Variants in FBXL17 observed in about 807,000 individuals in gnomAD.
FBXL17 encodes F-box and leucine rich repeat protein 17, also known as F-box/LRR-repeat protein 17.
A neutral mutation model predicts 66.2 loss-of-function variants in FBXL17; 22 were observed. The ratio of observed to expected loss-of-function variants is 0.33; its 90% CI spans 0.24 to 0.47. FBXL17 has a LOEUF of 0.47. Ranked by LOEUF, FBXL17 falls within the 20% of genes least tolerant of loss-of-function variation. FBXL17 has a pLI of 1.00. For synonymous variants in FBXL17, 474 were observed against 400.5 expected (o/e 1.18, Z -2.19); for missense variants, 878 against 948.2 (o/e 0.93, Z 0.97).
chr5:107,861,446 A>AC lies in FBXL17; in HGVS notation c.*273_*274insG, dbSNP rs1561508608. On this transcript the variant is annotated 3_prime_UTR_variant, in exon 9 of 9. Transcript: ENST00000542267. ...ATTTTTTGACTCTATATTAAAAATA[A>AC]TTTTTTTTTAAAGAGAAAGAAGCCT... The AC allele has an allele frequency of 4.4e-6, 1 of 228,134 alleles. No individual in the cohort carries two copies. The highest frequency in any genetic ancestry group is 2.3e-5 in the African/African-American group (1 of 44,076). 14.1% of individuals were successfully genotyped at this position (228,134 alleles called of 1,614,324 possible).
chr5:108,292,900 C>G (rs1758173772), intron 4 of FBXL17, among the ~76,000 whole-genome samples: 1 of 151,964 alleles, frequency 6.6e-6, no homozygotes, highest in South Asian at 2.1e-4. Flanking sequence ...GAGATCCTAG[C>G]TAACATGGTG....
At chr5:108,126,972 T>C (rs898854793) in intron 6 of FBXL17, among the ~76,000 whole-genome samples, 1 of 152,048 alleles carries the variant, frequency 6.6e-6, no homozygotes, top group Non-Finnish European at 1.5e-5. Context: ...AATTTCCATT[T>C]AAAGTCACCA....
At chr5:108,073,612 T>G (rs995342626) in intron 6 of FBXL17, among the ~76,000 whole-genome samples, 1 of 152,136 alleles carries the variant, frequency 6.6e-6, no homozygotes, top group African/African-American at 2.4e-5. Context: ...ATGAAGATAA[T>G]AAGACAAACA....
At chr5:108,173,409 TAAAAA>T (rs879460879) in intron 6 of FBXL17, among the ~76,000 whole-genome samples, 2 of 151,524 alleles carry the variant, frequency 1.3e-5, no homozygotes, top group Non-Finnish European at 2.9e-5. Flanking sequence ...AATAATAAAA[TAAAAA>T]AAAGAAAATA....
intron 7 of FBXL17, among the ~76,000 whole-genome samples, chr5:107,985,969 T>A (rs142466447): frequency 4.7e-4 from 72 of 152,266 alleles, no homozygotes; most frequent in Non-Finnish European, 9.0e-4. Context: ...TAGACTATTG[T>A]CAATGTTTGA....
chr5:108,096,232 T>C (rs1198384336), intron 6 of FBXL17, among the ~76,000 whole-genome samples: 1 of 152,174 alleles, frequency 6.6e-6, no homozygotes, highest in East Asian at 1.9e-4. Context: ...CACGGAGCAT[T>C]AGCAAAATGA....
chr5:108,231,972 G>T (rs150451709), intron 4 of FBXL17, among the ~76,000 whole-genome samples: 226 of 148,236 alleles, frequency 1.5e-3, no homozygotes, highest in African/African-American at 5.3e-3. Context: ...CACTGTACCA[G>T]GAAAAAAACT....
intron 6 of FBXL17, among the ~76,000 whole-genome samples, chr5:108,142,129 CA>C (rs1041677892): frequency 8.5e-5 from 13 of 152,088 alleles, no homozygotes; most frequent in African/African-American, 3.1e-4. Flanking sequence ...CATATATAAA[CA>C]AAAAACACAA....
At chr5:108,137,683 T>C (rs1359537233) in intron 6 of FBXL17, among the ~76,000 whole-genome samples, 2 of 152,158 alleles carry the variant, frequency 1.3e-5, no homozygotes, top group Non-Finnish European at 2.9e-5. Context: ...TGAAATCAAT[T>C]TGATAAGATA....
At chr5:108,356,088 T>C (rs759754596) in intron 3 of FBXL17, among the ~76,000 whole-genome samples, 37 of 151,852 alleles carry the variant, frequency 2.4e-4, no homozygotes, top group Non-Finnish European at 4.3e-4. Context: ...AGTAGCTACA[T>C]TAATTTCAGA....
intron 7 of FBXL17, among the ~76,000 whole-genome samples, chr5:107,970,691 C>A (rs866282594): frequency 1.3e-5 from 2 of 152,098 alleles, no homozygotes; most frequent in Admixed American, 6.6e-5. Flanking sequence ...TCCTTTGAAA[C>A]GTTGGCCATT....
intron 1 of FBXL17, among the ~76,000 whole-genome samples, chr5:108,368,437 C>CTT (rs1748814519): frequency 6.6e-6 from 1 of 151,964 alleles, no homozygotes; most frequent in Non-Finnish European, 1.5e-5. Context: ...AAGAAAGGTA[C>CTT]TTTACCTTTA....
chr5:107,937,861 A>G lies in FBXL17; in HGVS notation c.1823-56682T>C, dbSNP rs193294638. ...ATACTGACTGACAGAGTAGAAAATC[A>G]TATCAAGAAGGCCAGTATGACCTTT... On this transcript the variant is annotated intron_variant, in intron 7 of 8. Coordinates refer to ENST00000542267, the MANE Select transcript of FBXL17 (RefSeq NM_001163315.3). Among the ~76,000 whole-genome samples, 110 of 152,286 alleles carry G rather than the reference A, an allele frequency of 7.2e-4. 1 individual carries two copies. The highest frequency in any genetic ancestry group is 6.9e-3 in the Admixed American group (106 of 15,278).
chr5:108,216,776 C>T (rs972673563), intron 5 of FBXL17, among the ~76,000 whole-genome samples: 1 of 152,120 alleles, frequency 6.6e-6, no homozygotes, highest in East Asian at 1.9e-4. Context: ...ATTCAAGCGG[C>T]AGGTACCAAT....
intron 6 of FBXL17, among the ~76,000 whole-genome samples, chr5:108,058,465 CTCTCTCCT>C (rs1483082708): frequency 2.7e-5 from 4 of 150,564 alleles, no homozygotes; most frequent in African/African-American, 9.8e-5. Context: ...TCTTTCTTCT[CTCTCTCCT>C]TTTCTTTCTT....
intron 6 of FBXL17, among the ~76,000 whole-genome samples, chr5:108,024,362 C>A (rs1042396072): frequency 5.9e-5 from 9 of 152,052 alleles, no homozygotes; most frequent in African/African-American, 2.2e-4. Flanking sequence ...TCTGTCTTAA[C>A]AAGAGAGAAT....
intron 7 of FBXL17, among the ~76,000 whole-genome samples, chr5:107,970,444 C>T (rs1031993385): frequency 1.3e-5 from 2 of 152,168 alleles, no homozygotes; most frequent in Non-Finnish European, 2.9e-5. Flanking sequence ...CACTACCCAA[C>T]CCCACAGCTG....
rs769903670 is a variant in FBXL17, at chr5:108,262,082, A to ATTT, written c.1507-37857_1507-37855dup. Among the ~76,000 whole-genome samples the ATTT allele has an allele frequency of 8.4e-4, 96 of 114,210 alleles. 2 individuals are homozygous for ATTT. The highest frequency in any genetic ancestry group is 1.2e-3 in the East Asian group (5 of 4,136). 74.9% of individuals were successfully genotyped at this position (114,210 alleles called of 152,430 possible). A position where few individuals can be genotyped will look rare whatever the true frequency, so the allele number is the denominator to read the frequency against. ...TATTTATTTATTTATTTATTTATTT[A>ATTT]TTTATTTTTTTTGAGACAGAGTCTC... On this transcript the variant is annotated intron_variant, in intron 4 of 8. Transcript: ENST00000542267.
rs1328109063 is a variant in FBXL17 at position 108,381,365 on chromosome 5, G to A, written c.327C>T (p.Ala109=). 1 of 1,335,152 alleles carries A rather than the reference G, an allele frequency of 7.5e-7. No homozygotes were observed. Among genetic ancestry groups the A allele is most frequent in the Non-Finnish European group, 9.5e-7 (1 of 1,051,804 alleles). 82.7% of individuals were successfully genotyped at this position (1,335,152 alleles called of 1,614,324 possible). Residue 109 remains alanine (A), a synonymous_variant, in exon 1 of 9, where the codon GCC becomes GCT. Coordinates refer to ENST00000542267, the MANE Select transcript of FBXL17 (RefSeq NM_001163315.3). The part of the protein sequence containing the change: ...HLARRYAALA[A]EDCAAAARRF... ...GGCGGGCAGCAGCGGCGCAGTCCTC[G>A]GCGGCCAGGGCCGCGTAGCGCCGCG...
Sources: gnomAD v4.1 joint callset for allele counts (sites outside exome capture counted in the v4.1 genomes callset) on GRCh38, gnomAD v4.1.1 for gene constraint, MANE v1.5 for transcripts, NCBI Gene and HGNC (gene_info 2026-07-23, HGNC 2026-07-21) for gene names.